The following ABCC6 variants were observed in gnomAD, a reference collection of about 807,000 sequenced individuals.
The protein encoded by ABCC6 is ATP binding cassette subfamily C member 6, also known as ATP-binding cassette sub-family C member 6.
A neutral mutation model predicts 169.5 loss-of-function variants in ABCC6; 126 were observed. The observed-to-expected ratio is 0.74, with a 90% CI of 0.64 to 0.86. The LOEUF (loss-of-function observed/expected upper bound fraction) is 0.86, where lower values mean the gene tolerates loss of function less well. Ranked by LOEUF, ABCC6 falls within the 40% of genes least tolerant of loss-of-function variation. ABCC6 has a pLI of 0.00. For missense variants in ABCC6, 1,733 were observed against 1,927.2 expected, an observed-to-expected ratio of 0.90 and a Z score of 1.89; for synonymous variants, 752 against 814.7, an observed-to-expected ratio of 0.92 and a Z score of 1.31.
chr16:16,197,764 C>A (rs902938616), intron 10 of ABCC6, among the ~76,000 whole-genome samples: 6 of 149,580 alleles, frequency 4.0e-5, no homozygotes, highest in Non-Finnish European at 3.0e-5. Context: ...GGGGAGGAAG[C>A]CTTATGAGCT....
Position 16,198,000 on chromosome 16 carries a change from CGT to C in ABCC6, c.1338+19_1338+20del. 1 of 1,612,250 alleles carries C rather than the reference CGT, an allele frequency of 6.2e-7. No homozygotes were observed. Among genetic ancestry groups the C allele is most frequent in the Non-Finnish European group, 8.5e-7 (1 of 1,179,098 alleles). ...GGGGTGGGGGACTCCGTTCAAATCCCGTCTTCCTCCTCTGGCATACCTGCCAG... is the reference window on the plus strand; with the variant it reads ...GGGGTGGGGGACTCCGTTCAAATCCCCTTCCTCCTCTGGCATACCTGCCAG... On this transcript the variant is annotated intron_variant, in intron 10 of 30. Transcript: ENST00000205557.
chr16:16,157,514 A>C, intron 27 of ABCC6, 149 bp downstream of exon 27: 3 of 1,000,064 alleles, frequency 3.0e-6, no homozygotes, highest in Non-Finnish European at 4.5e-6. Context: ...GAAGGTGAGG[A>C]GTTCATTTTA....
In ABCC6 at chr16:16,163,003, C is replaced by T; in HGVS notation, c.3496G>A (p.Val1166Met). The stretch of plus-strand genomic sequence containing the variant: ...CCTGGCTCTTCCTACCTGTCAGCCA[C>T]CAGTCGCGGGAAACTGATCCTCTGG... ...ESQRISFPRL[V>M]ADRWLAANVE... The change falls in exon 24 of 31, where the codon GTG becomes ATG. Residue 1166 changes from valine to methionine, a missense_variant. Coordinates refer to ENST00000205557, the MANE Select transcript of ABCC6 (RefSeq NM_001171.6). 1 of 1,614,106 alleles carries T rather than the reference C, an allele frequency of 6.2e-7. No homozygotes were observed. The highest frequency in any genetic ancestry group is 8.5e-7 in the Non-Finnish European group (1 of 1,180,028).
intron 10 of ABCC6, 68 bp from the exon 11 acceptor site, chr16:16,192,990 G>A: frequency 7.5e-7 from 1 of 1,341,968 alleles, no homozygotes; most frequent in Middle Eastern, 2.1e-4. Context: ...ACGTGAACCA[G>A]AGCAACTCCA....
At chr16:16,221,616 G>A in intron 2 of ABCC6, 33 bp downstream of exon 2, 1 of 1,612,218 alleles carries the variant, frequency 6.2e-7, no homozygotes, top group Non-Finnish European at 8.5e-7. Flanking sequence ...CCCGAACATT[G>A]CCTGGTTCCA....
intron 9 of ABCC6, 103 bp from the exon 10 acceptor site, chr16:16,198,285 A>T: frequency 7.7e-7 from 1 of 1,296,976 alleles, no homozygotes; most frequent in Non-Finnish European, 1.1e-6. Flanking sequence ...CACGTCTGCG[A>T]GGTGGGTGAG....
intron 25 of ABCC6, 80 bp from the exon 26 acceptor site, chr16:16,159,663 T>A: frequency 7.6e-7 from 1 of 1,321,634 alleles, no homozygotes; most frequent in Non-Finnish European, 1.1e-6. Flanking sequence ...TTCCCAACCT[T>A]TTCTGGGAGG....
rs2048671807 is a variant in ABCC6, at chr16:16,212,557, A to G, written c.601-311T>C. On this transcript the variant is annotated intron_variant, in intron 5 of 30. Transcript: ENST00000205557. ...ACTCCTAACCTCAAGTGATCTGCCT[A>G]TCTCGGCCTCCCAAAGTGCTGGGAT... Among the ~76,000 whole-genome samples, 3 of 151,052 alleles carry G rather than the reference A, an allele frequency of 2.0e-5. No individual in the cohort carries two copies. In the South Asian group the frequency reaches 6.2e-4, roughly 31 times the overall value.
At chr16:16,174,003 C>T (rs2047191753) in intron 20 of ABCC6, among the ~76,000 whole-genome samples, 1 of 152,194 alleles carries the variant, frequency 6.6e-6, no homozygotes, top group South Asian at 2.1e-4. Context: ...CTCTGTGCCT[C>T]AGTTTCCTCA....
intron 25 of ABCC6, 34 bp downstream of exon 25, chr16:16,161,404 T>C: frequency 6.2e-7 from 1 of 1,613,308 alleles, no homozygotes; most frequent in Non-Finnish European, 8.5e-7. Context: ...CCTCTGTCTG[T>C]CCCTCAAGCC....
In ABCC6 at chr16:16,161,483, G is replaced by T. The variant is rs778568997; in HGVS notation, c.3588C>A (p.His1196Gln). The change falls in exon 25 of 31, where the codon CAC becomes CAA. Residue 1196 changes from histidine (H) to glutamine (Q), a missense_variant. By Grantham distance (24) the His-to-Gln change is conservative. Transcript: ENST00000205557. ...AGAAGCCCACGAGGCCAGCACTGAG[G>T]TGGGCTTTGCTCAGCACAGCACACG... is the stretch of plus-strand genomic sequence containing the variant. ...AATCAVLSKA[H>Q]LSAGLVGFSV... 3.1e-6 allele frequency: 5 copies of T among 1,613,994 alleles called. No individual in the cohort carries two copies. In the South Asian group the frequency reaches 3.3e-5, roughly 11 times the overall value.
Position 16,154,746 on chromosome 16 carries a change from G to T in ABCC6, c.4090C>A (p.Gln1364Lys), listed in dbSNP as rs1480460317. 6 of 1,612,974 alleles carry T rather than the reference G, an allele frequency of 3.7e-6. No homozygotes were observed. Among genetic ancestry groups the T allele is most frequent in the African/African-American group, 1.3e-5 (1 of 74,914 alleles). The change falls in exon 29 of 31, where the codon CAG becomes AAG. Residue 1364 changes from glutamine (Q) to lysine (K), a missense_variant. This residue lies in a region of ABCC6 where 1,601 missense variants were observed against 1,635.5 expected (regional missense o/e 0.98). Coordinates refer to ENST00000205557, the MANE Select transcript of ABCC6 (RefSeq NM_001171.6). ...GSLRMNLDLLQEHSDEAIWAA... is the reference protein window; with the variant it reads ...GSLRMNLDLLKEHSDEAIWAA... ...CAGATAGCCTCGTCCGAGTGCTCCT[G>T]CAGCAGGTCGAGGTTCATCCGCAGA... is the stretch of plus-strand genomic sequence containing the variant.
intron 4 of ABCC6, among the ~76,000 whole-genome samples, chr16:16,214,894 G>A (rs976244176): frequency 6.6e-6 from 1 of 152,202 alleles, no homozygotes; most frequent in Non-Finnish European, 1.5e-5. Flanking sequence ...ACAGGCATGA[G>A]CCACCATGCC....
Position 16,149,948 on chromosome 16 carries a change from T to C in ABCC6, c.*185A>G, listed in dbSNP as rs868005428. On this transcript the variant is annotated 3_prime_UTR_variant, in exon 31 of 31. Transcript: ENST00000205557. The stretch of plus-strand genomic sequence containing the variant: ...CTGCCCGGGCAGACCTGTGTATTGC[T>C]AGGTCCTTCCGGCTCTGATGCTCTG... 6 of 892,828 alleles carry C rather than the reference T, an allele frequency of 6.7e-6. No individual in the cohort carries two copies. The highest frequency in any genetic ancestry group is 6.6e-4 in the Middle Eastern group (2 of 3,024). 55.3% of individuals were successfully genotyped at this position (892,828 alleles called of 1,614,324 possible). A position where few individuals can be genotyped will look rare whatever the true frequency, so the allele number is the denominator to read the frequency against.
rs755513036 is a variant in ABCC6, at chr16:16,190,324, C to T, written c.1475G>A (p.Ser492Asn). ...RQKDSRARLTSSILRNSKTIK... is the reference protein window; with the variant it reads ...RQKDSRARLTNSILRNSKTIK... ...GGTCTTCGAGTTCCTGAGGATAGAG[C>T]TGGTGAGCCGTGCCCGTGAGTCCTT... Residue 492 changes from serine (S) to asparagine (N), a missense_variant, in exon 12 of 31, where the codon AGC (serine) becomes AAC (asparagine). By Grantham distance (46) the Ser-to-Asn change is conservative. This residue lies in a region of ABCC6 where 1,601 missense variants were observed against 1,635.5 expected (regional missense o/e 0.98). Coordinates refer to ENST00000205557, the MANE Select transcript of ABCC6 (RefSeq NM_001171.6). 15 of 1,614,198 alleles carry T rather than the reference C, an allele frequency of 9.3e-6. No homozygotes were observed. The South Asian group carries it at 1.6e-4, about 18-fold the overall frequency.
At chr16:16,185,169 T>A in intron 14 of ABCC6, 135 bp from the exon 15 acceptor site, 1 of 818,136 alleles carries the variant, frequency 1.2e-6, no homozygotes, top group Non-Finnish European at 2.1e-6. Flanking sequence ...ACTGAACAAA[T>A]TGCCCTGCTA....
At chr16:16,152,647 C>T (rs1416155792) in intron 29 of ABCC6, among the ~76,000 whole-genome samples, 3 of 149,266 alleles carry the variant, frequency 2.0e-5, no homozygotes, top group African/African-American at 7.4e-5. Flanking sequence ...ATTATTCCCA[C>T]CTTACAGATG....
intron 13 of ABCC6, among the ~76,000 whole-genome samples, chr16:16,188,357 A>T (rs1173697085): frequency 6.6e-6 from 1 of 152,052 alleles, no homozygotes; most frequent in Non-Finnish European, 1.5e-5. Context: ...GCACCACTGC[A>T]CTCCAGCCTG....
chr16:16,166,650 C>T (rs913478731), intron 22 of ABCC6, among the ~76,000 whole-genome samples: 15 of 151,616 alleles, frequency 9.9e-5, no homozygotes, highest in African/African-American at 3.4e-4. Flanking sequence ...GAGGCCAAGG[C>T]GGGTGGATCA....
Sources: gnomAD v4.1 joint callset for allele counts (sites outside exome capture counted in the v4.1 genomes callset) on GRCh38, gnomAD v4.1.1 for gene constraint, gnomAD v4.1.1 regional missense constraint, MANE v1.5 for transcripts, NCBI Gene and HGNC (gene_info 2026-07-23, HGNC 2026-07-21) for gene names.